The following EXD3 variants were observed in gnomAD, a reference collection of about 807,000 sequenced individuals.
The protein encoded by EXD3 is exonuclease 3'-5' domain containing 3.
EXD3 carries 92 observed loss-of-function variants against 98.0 expected under a neutral mutation model. That is an observed-to-expected ratio of 0.94 (90% CI 0.79 to 1.12). The LOEUF (loss-of-function observed/expected upper bound fraction) is 1.12. Ranked by LOEUF, EXD3 falls within the 50% of genes most tolerant of loss-of-function variation. EXD3 has a pLI of 0.00. For missense variants in EXD3, 1,222 were observed against 1,191.6 expected (o/e 1.03, Z -0.38); for synonymous variants, 569 against 526.0 (o/e 1.08, Z -1.12).
At chr9:137,359,442 G>A (rs1305750855) in intron 7 of EXD3, among the ~76,000 whole-genome samples, 2 of 82,502 alleles carry the variant, frequency 2.4e-5, no homozygotes, top group African/African-American at 6.7e-5. Flanking sequence ...GGAGGCTGAG[G>A]CAGGAGGATC....
rs990809218 is a variant in EXD3 at position 137,351,658 on chromosome 9, T to C, written c.1174-130A>G. The C allele has an allele frequency of 2.0e-5, 17 of 845,606 alleles. No homozygotes were observed. The East Asian group carries it at 3.2e-4, about 16-fold the overall frequency. 52.4% of individuals were successfully genotyped at this position (845,606 alleles called of 1,614,324 possible). A position where few individuals can be genotyped will look rare whatever the true frequency, so the allele number is the denominator to read the frequency against. ...ACGCCCCTGCACCCCTGCATGTTTA[T>C]AGGGCTGGGGCTGTTGGGGGCACTA... is the stretch of plus-strand genomic sequence containing the variant. On this transcript the variant is annotated intron_variant, in intron 12 of 21. Coordinates refer to ENST00000340951, the MANE Select transcript of EXD3 (RefSeq NM_017820.5).
intron 1 of EXD3, among the ~76,000 whole-genome samples, chr9:137,416,042 A>G (rs749682432): frequency 2.0e-5 from 3 of 152,204 alleles, no homozygotes; most frequent in African/African-American, 4.8e-5. Flanking sequence ...AACAAAGAAA[A>G]AACCATGAAT....
rs1203260281 is a variant in EXD3, at chr9:137,351,128, G to T, written c.1404C>A (p.Asp468Glu). The part of the protein sequence containing the change: ...ITKLGYGMVG[D>E]LQKLGTSCPA... Reference sequence around the variant, plus strand: ...GGCAGGACGTGCCCAGTTTTTGCAGGTCCCCCACCATCCCGTAGCCTGTGG... The same window carrying T: ...GGCAGGACGTGCCCAGTTTTTGCAGTTCCCCCACCATCCCGTAGCCTGTGG... The change falls in exon 14 of 22, where the codon GAC becomes GAA. Residue 468 changes from aspartate to glutamate, a missense_variant. Transcript: ENST00000340951. The T allele has an allele frequency of 1.3e-6, 2 of 1,580,314 alleles. No homozygotes were observed. Among genetic ancestry groups the T allele is most frequent in the East Asian group, 2.3e-5 (1 of 42,964 alleles).
chr9:137,374,457 GCT>G, intron 3 of EXD3: 1 of 612,864 alleles, frequency 1.6e-6, no homozygotes, highest in African/African-American at 2.0e-5. Context: ...TGGATGGTGT[GCT>G]CTCCACGGGG....
chr9:137,390,119 C>CAAA (rs34716316), intron 2 of EXD3, among the ~76,000 whole-genome samples: 4,077 of 23,330 alleles, frequency 0.17, 1,298 homozygotes, highest in African/African-American at 0.36. Flanking sequence ...GAGACTCTGT[C>CAAA]AAAAAAAAAA....
intron 19 of EXD3, among the ~76,000 whole-genome samples, chr9:137,319,296 G>A (rs1564467447): frequency 6.6e-6 from 1 of 152,252 alleles, no homozygotes; most frequent in South Asian, 2.1e-4. Flanking sequence ...CAGGCCCGGG[G>A]TCTGCAGCTG....
chr9:137,371,087 C>T lies in EXD3; in HGVS notation c.462+1818G>A, dbSNP rs1031220876. Among the ~76,000 whole-genome samples, 2 of 152,278 alleles carry T rather than the reference C, an allele frequency of 1.3e-5. No individual in the cohort carries two copies. Among genetic ancestry groups the T allele is most frequent in the African/African-American group, 2.4e-5 (1 of 41,572 alleles). ...GCTTTCTTCGCAGAAGGGGCCTGTGCGGGACAAGACCCCCTTTGTGTGGGG... is the reference window on the plus strand; with the variant it reads ...GCTTTCTTCGCAGAAGGGGCCTGTGTGGGACAAGACCCCCTTTGTGTGGGG... On this transcript the variant is annotated intron_variant, in intron 5 of 21. Coordinates refer to ENST00000340951, the MANE Select transcript of EXD3 (RefSeq NM_017820.5). The surrounding 1 kb of genome is among the most constrained non-coding windows in gnomAD (Gnocchi z 8.0).
chr9:137,353,336 C>A (rs1834416249), intron 10 of EXD3: 9 of 985,452 alleles, frequency 9.1e-6, no homozygotes, highest in Non-Finnish European at 1.1e-5. Context: ...TCTGCCCCCA[C>A]CCCGGGTCCC....
chr9:137,403,091 C>T lies in EXD3; in HGVS notation c.-47-7687G>A, dbSNP rs563060282. Among the ~76,000 whole-genome samples the T allele has an allele frequency of 3.3e-5, 5 of 152,214 alleles. No individual in the cohort carries two copies. In the South Asian group the frequency reaches 8.3e-4, roughly 25 times the overall value. ...GGACACAGCCAAAGCATATCACCCG[C>T]CACGGGAGACCCTGTGGCTCGGCTT... On this transcript the variant is annotated intron_variant, in intron 1 of 21. Transcript: ENST00000340951. This position sits in a 1 kb window ranked among gnomAD's most constrained non-coding sequence, Gnocchi z 6.1.
chr9:137,355,496 GGAA>G (rs1394253070), intron 8 of EXD3, among the ~76,000 whole-genome samples: 4,132 of 97,144 alleles, frequency 0.043, 58 homozygotes, highest in Middle Eastern at 0.07. Context: ...GGAGGATGGA[GGAA>G]GGAGGAAGGA....
intron 8 of EXD3, among the ~76,000 whole-genome samples, chr9:137,355,283 C>T (rs933456457): frequency 6.6e-6 from 1 of 152,132 alleles, no homozygotes; most frequent in Non-Finnish European, 1.5e-5. Context: ...GAGCCCTTTT[C>T]CCCCAGGGTG....
chr9:137,310,562 G>A (rs1471869301), intron 19 of EXD3, among the ~76,000 whole-genome samples: 1 of 152,198 alleles, frequency 6.6e-6, no homozygotes, highest in Admixed American at 6.5e-5. Context: ...AACCTGCCAG[G>A]CTTACTGCGA....
intron 17 of EXD3, among the ~76,000 whole-genome samples, chr9:137,332,301 G>A (rs888702935): frequency 6.6e-6 from 1 of 152,110 alleles, no homozygotes; most frequent in Non-Finnish European, 1.5e-5. Context: ...GAAAAAGAAC[G>A]AATCTAGGCC....
At chr9:137,404,757 G>A (rs1837637544) in intron 1 of EXD3, among the ~76,000 whole-genome samples, 1 of 152,102 alleles carries the variant, frequency 6.6e-6, no homozygotes, top group Non-Finnish European at 1.5e-5. Flanking sequence ...CTACTTGGGA[G>A]GCTGAGGCAG....
intron 1 of EXD3, among the ~76,000 whole-genome samples, chr9:137,422,108 T>G (rs1321620079): frequency 3.7e-5 from 5 of 134,074 alleles, no homozygotes; most frequent in East Asian, 2.6e-4. Context: ...GTTTGTGGTG[T>G]TCTTAAAAAA....
chr9:137,391,061 A>C (rs1469248854), intron 2 of EXD3, among the ~76,000 whole-genome samples: 5 of 152,110 alleles, frequency 3.3e-5, no homozygotes, highest in African/African-American at 1.2e-4. Context: ...CTCGGCATGG[A>C]GAGGGGCAGG....
At chr9:137,404,148 G>A (rs1837609092) in intron 1 of EXD3, among the ~76,000 whole-genome samples, 1 of 152,156 alleles carries the variant, frequency 6.6e-6, no homozygotes, top group Non-Finnish European at 1.5e-5. Flanking sequence ...CTGGATTAGG[G>A]CCCACCCCAA....
chr9:137,345,187 TCTC>T (rs1310238824), intron 17 of EXD3, among the ~76,000 whole-genome samples: 1 of 152,260 alleles, frequency 6.6e-6, no homozygotes, highest in African/African-American at 2.4e-5. Flanking sequence ...GTCAGGACAT[TCTC>T]CTCACATCCT....
chr9:137,371,997 C>T lies in EXD3; in HGVS notation c.462+908G>A, dbSNP rs139487151. Among the ~76,000 whole-genome samples, 130 of 152,266 alleles carry T rather than the reference C, an allele frequency of 8.5e-4. No individual in the cohort carries two copies. The highest frequency in any genetic ancestry group is 2.1e-3 in the African/African-American group (86 of 41,542). On this transcript the variant is annotated intron_variant, in intron 5 of 21. Coordinates refer to ENST00000340951, the MANE Select transcript of EXD3 (RefSeq NM_017820.5). This position sits in a 1 kb window ranked among gnomAD's most constrained non-coding sequence, Gnocchi z 8.0. The stretch of plus-strand genomic sequence containing the variant: ...CACAGCTTGGCCAGGCTCAGGACGA[C>T]GGGGCTGTGATGCTAGACCTGGTCT...
Sources: allele counts gnomAD v4.1 joint callset (sites outside exome capture counted in the v4.1 genomes callset), GRCh38; gene constraint gnomAD v4.1.1; non-coding constraint Gnocchi (gnomAD v3.1); transcripts MANE v1.5; gene names NCBI Gene and HGNC (gene_info 2026-07-23, HGNC 2026-07-21).